The following KDM5C variants were observed in gnomAD, a reference collection of about 807,000 sequenced individuals.
KDM5C encodes the protein lysine demethylase 5C.
A neutral mutation model predicts 110.6 loss-of-function variants in KDM5C; 16 were observed. The observed-to-expected ratio is 0.14, with a 90% CI of 0.10 to 0.22. KDM5C has a LOEUF of 0.22. KDM5C is among the 10% of genes least tolerant of loss of function. KDM5C has a pLI of 1.00. For missense variants in KDM5C, 681 were observed against 1,300.9 expected (o/e 0.52, Z 7.33); for synonymous variants, 511 against 520.4 (o/e 0.98, Z 0.24).
chrX:53,207,747 G>A (rs1189610884), intron 12 of KDM5C, among the ~76,000 whole-genome samples: 5 of 110,238 alleles, frequency 4.5e-5, no homozygotes, highest in Non-Finnish European at 7.6e-5. Context: ...TCAGGAGTTC[G>A]AGACCATCCT....
downstream of KDM5C, among the ~76,000 whole-genome samples, chrX:53,188,750 CTA>C (rs1396292857): frequency 1.3e-4 from 15 of 111,642 alleles, no homozygotes; most frequent in Middle Eastern, 4.2e-3. Flanking sequence ...GTTATAAAGA[CTA>C]TGAGTTCTGT....
At chrX:53,202,185 T>TA in intron 12 of KDM5C, 1 of 411,172 alleles carries the variant, frequency 2.4e-6, no homozygotes, top group South Asian at 3.8e-5. Flanking sequence ...GATTTGAGAT[T>TA]AAAAAATATA....
chrX:53,188,380 C>CTT (rs782703729), downstream of KDM5C, among the ~76,000 whole-genome samples: 1 of 103,211 alleles, frequency 9.7e-6, no homozygotes, highest in Non-Finnish European at 2.0e-5. Flanking sequence ...AACTGACCTA[C>CTT]TTTTTTTTTT....
rs142818055 is a variant in KDM5C at position 53,178,305 on chromosome X, C to T, written c.4309-1683G>A. 3.9e-3 allele frequency among the ~76,000 whole-genome samples: 442 copies of T among 111,901 alleles called. 2 individuals carry two copies. Among genetic ancestry groups the T allele is most frequent in the African/African-American group, 0.014 (421 of 30,790 alleles). On this transcript the variant is annotated intron_variant, in intron 25 of 25. Coordinates refer to the KDM5C transcript ENST00000685641. Reference sequence around the variant, plus strand: ...GGAACTTTTAAATGGAGAACATTTGCCTGTATTGGACATGAGGGTATATGT... The same window carrying T: ...GGAACTTTTAAATGGAGAACATTTGTCTGTATTGGACATGAGGGTATATGT...
chrX:53,187,647 G>C (rs782000247), downstream of KDM5C, among the ~76,000 whole-genome samples: 47 of 111,735 alleles, frequency 4.2e-4, no homozygotes, highest in African/African-American at 1.5e-3. Flanking sequence ...GCTCATGCCT[G>C]TAATCCCAGC....
chrX:53,213,210 G>A (rs1355436482), intron 8 of KDM5C, among the ~76,000 whole-genome samples: 11 of 111,326 alleles, frequency 9.9e-5, no homozygotes, highest in Non-Finnish European at 2.1e-4. Flanking sequence ...ATAAATGTCC[G>A]TCTGGTCCAC....
At chrX:53,224,654 G>A in intron 1 of KDM5C, 86 bp downstream of exon 1, 1 of 1,110,137 alleles carries the variant, frequency 9.0e-7, no homozygotes, top group Admixed American at 2.3e-5. Flanking sequence ...CCCACCTCGA[G>A]CTGCCCTCCG....
chrX:53,203,260 G>T (rs1002552714), intron 12 of KDM5C, among the ~76,000 whole-genome samples: 1 of 111,079 alleles, frequency 9.0e-6, no homozygotes, highest in Non-Finnish European at 1.9e-5. Flanking sequence ...TCTCTCTCTC[G>T]AGCTTATAGG....
Position 53,192,856 on chromosome X carries a change from TGGCCACCCCCCTACCC to T in KDM5C, c.*95_*110del. Reference sequence around the variant, plus strand: ...CTCAGGGGTGGGCGGGTAGCAGGGATGGCCACCCCCCTACCCGCCCACCCCCCAAGAAGCAGGCTTG... The same window carrying T: ...CTCAGGGGTGGGCGGGTAGCAGGGATGCCCACCCCCCAAGAAGCAGGCTTG... On this transcript the variant is annotated 3_prime_UTR_variant, in exon 26 of 26. Coordinates refer to ENST00000375401, the MANE Select transcript of KDM5C (RefSeq NM_004187.5). 1 of 808,416 alleles carries T rather than the reference TGGCCACCCCCCTACCC, an allele frequency of 1.2e-6. No homozygotes were observed. The highest frequency in any genetic ancestry group is 1.6e-6 in the Non-Finnish European group (1 of 608,121). The allele number at this position is 808,416 out of a possible 1,213,427, so 66.6% of individuals were successfully genotyped here. A position where few individuals can be genotyped will look rare whatever the true frequency, so the allele number is the denominator to read the frequency against.
In KDM5C at chrX:53,215,893, T is replaced by C. The variant is rs782081983; in HGVS notation, c.865A>G (p.Lys289Glu). ...GDVKVESTSP[K>E]TFLESKEELS... is the part of the protein sequence containing the mutation. The stretch of plus-strand genomic sequence containing the variant: ...TCCTCCTTGCTCTCCAGGAAGGTCT[T>C]AGGCGATGTTGACTCCACCTTCACA... The change falls in exon 7 of 26, where the codon AAG (lysine) becomes GAG (glutamate). Residue 289 changes from lysine to glutamate, a missense_variant. Physicochemically the swap from Lys to Glu is moderately conservative, Grantham distance 56. Around this residue, in one of 14 missense-constraint regions of KDM5C, gnomAD observed 71 missense variants for 115.0 expected, o/e 0.62. Transcript: ENST00000375401. 6 of 1,211,320 alleles carry C rather than the reference T, an allele frequency of 5.0e-6. No individual in the cohort carries two copies. In the East Asian group the frequency reaches 1.2e-4, roughly 24 times the overall value.
At chrX:53,187,968 T>C (rs981085780), downstream of KDM5C, among the ~76,000 whole-genome samples, 1 of 109,649 alleles carries the variant, frequency 9.1e-6, no homozygotes, top group Non-Finnish European at 1.9e-5. Flanking sequence ...GGTCTCGATC[T>C]CCTGACCACA....
rs782292187 is a variant in KDM5C, at chrX:53,194,670, C to T, written c.3507G>A (p.Ser1169=). 7 of 1,209,567 alleles carry T rather than the reference C, an allele frequency of 5.8e-6. No homozygotes were observed. The highest frequency in any genetic ancestry group is 6.7e-6 in the Non-Finnish European group (6 of 894,872). ...EGILQLRRTN[S]AKPSPLASSS... ...ATGATGCCAGTGGACTGGGCTTGGC[C>T]GAATTGGTGCGACGCAGCTGCAGGA... The change falls in exon 23 of 26, where the codon TCG becomes TCA. Residue 1169 remains serine (S), a synonymous_variant. Coordinates refer to ENST00000375401, the MANE Select transcript of KDM5C (RefSeq NM_004187.5).
chrX:53,186,535 C>G (rs1934224339), downstream of KDM5C, among the ~76,000 whole-genome samples: 3 of 112,339 alleles, frequency 2.7e-5, no homozygotes, highest in African/African-American at 6.5e-5. Flanking sequence ...GATGAATAAG[C>G]TGCCTGAGCA....
Position 53,196,351 on chromosome X carries a change from A to G in KDM5C, c.2982-297T>C, listed in dbSNP as rs1934857656. ...CCTGTATTGTGTAATCTGTTGCTGC[A>G]GTTTGTCAACTGCCCTGTGTGGGGT... On this transcript the variant is annotated intron_variant, in intron 19 of 25. Coordinates refer to ENST00000375401, the MANE Select transcript of KDM5C (RefSeq NM_004187.5). Among the ~76,000 whole-genome samples, 5 of 112,535 alleles carry G rather than the reference A, an allele frequency of 4.4e-5. No individual in the cohort carries two copies. In the South Asian group the frequency reaches 1.8e-3, roughly 41 times the overall value.
rs1226953701 is a variant in KDM5C, at chrX:53,196,583, G to A, written c.2981+103C>T. Reference sequence around the variant, plus strand: ...AGGGGAGAGTCAATACAGTAACACAGGAGCGTGATACCTAAGGCCACCCAT... The same window carrying A: ...AGGGGAGAGTCAATACAGTAACACAAGAGCGTGATACCTAAGGCCACCCAT... On this transcript the variant is annotated intron_variant, in intron 19 of 25. Transcript: ENST00000375401. 2.2e-5 allele frequency: 14 copies of A among 638,670 alleles called. No individual in the cohort carries two copies. The Admixed American group carries it at 3.5e-4, about 16-fold the overall frequency. 52.6% of individuals were successfully genotyped at this position (638,670 alleles called of 1,213,427 possible).
chrX:53,193,586 C>G lies in KDM5C; in HGVS notation c.4168G>C (p.Glu1390Gln), dbSNP rs782290534. 2 of 1,212,075 alleles carry G rather than the reference C, an allele frequency of 1.7e-6. No homozygotes were observed. The highest frequency in any genetic ancestry group is 3.5e-5 in the South Asian group (2 of 57,021). Residue 1390 changes from glutamate to glutamine, a missense_variant, in exon 25 of 26, where the codon GAA becomes CAA. Glu to Gln is a conservative substitution (Grantham distance 29). Around this residue, in one of 14 missense-constraint regions of KDM5C, gnomAD observed 88 missense variants for 85.6 expected, o/e 1.03. Transcript: ENST00000375401. ...GGGGCCCGGGTTGCCTCAGGCAGTT[C>G]CAACACAGGGCCAGTCAACTGTGGC... ...LLPQLTGPVL[E>Q]LPEATRAPLE... is the part of the protein sequence containing the mutation.
In KDM5C at chrX:53,214,768, T is replaced by C; in HGVS notation, c.1043A>G (p.Asn348Ser). ...KLLLCDGCDDNYHIFCLLPPL... is the reference protein window; with the variant it reads ...KLLLCDGCDDSYHIFCLLPPL... The stretch of plus-strand genomic sequence containing the variant: ...AGGCAGCAGGCAGAAGATGTGGTAG[T>C]TGTCATCACAGCCATCACACAGCAG... The change falls in exon 8 of 26, where the codon AAC becomes AGC. Residue 348 changes from asparagine (N) to serine (S), a missense_variant. By Grantham distance (46) the Asn-to-Ser change is conservative (BLOSUM62 1). Coordinates refer to ENST00000375401, the MANE Select transcript of KDM5C (RefSeq NM_004187.5). 8.3e-7 allele frequency: 1 copy of C among 1,208,810 alleles called. No homozygotes were observed. The highest frequency in any genetic ancestry group is 1.1e-6 in the Non-Finnish European group (1 of 892,754).
At chrX:53,214,428 C>T (rs1410800869) in intron 8 of KDM5C, 4 of 357,319 alleles carry the variant, frequency 1.1e-5, no homozygotes, top group African/African-American at 1.0e-4. Flanking sequence ...GTTTCTAACA[C>T]ACAATTTAGC....
Position 53,193,269 on chromosome X carries a change from G to A in KDM5C, c.4381C>T (p.Arg1461Trp), listed in dbSNP as rs782614169. The A allele has an allele frequency of 3.3e-6, 4 of 1,206,525 alleles. No individual in the cohort carries two copies. The highest frequency in any genetic ancestry group is 4.4e-5 in the Admixed American group (2 of 45,958). Reference sequence around the variant, plus strand: ...CCCTCCCCACCCCGATCCACCTTCCGCCGCCGCCGCCTCTCCAGGGCCCGG... The same window carrying A: ...CCCTCCCCACCCCGATCCACCTTCCACCGCCGCCGCCTCTCCAGGGCCCGG... ...RGRALERRRR[R>W]KVDRGGEGDD... The change falls in exon 26 of 26, where the codon CGG becomes TGG. Residue 1461 changes from arginine (R) to tryptophan (W), a missense_variant. By Grantham distance (101) the Arg-to-Trp change is moderately radical. This residue lies in a region of KDM5C where 115 missense variants were observed against 120.9 expected (regional missense o/e 0.95). Coordinates refer to ENST00000375401, the MANE Select transcript of KDM5C (RefSeq NM_004187.5).
Sources: gnomAD v4.1 joint callset for allele counts (sites outside exome capture counted in the v4.1 genomes callset) on GRCh38, gnomAD v4.1.1 for gene constraint, gnomAD v4.1.1 regional missense constraint, MANE v1.5 for transcripts, NCBI Gene and HGNC (gene_info 2026-07-23, HGNC 2026-07-21) for gene names.